SLC15A5: variants seen among roughly 807,000 people sequenced by gnomAD.
SLC15A5 encodes solute carrier family 15 member 5.
In SLC15A5, 58 loss-of-function variants were observed where a neutral mutation model predicts 56.1. The ratio of observed to expected loss-of-function variants is 1.03; its 90% CI spans 0.84 to 1.29. The LOEUF (loss-of-function observed/expected upper bound fraction) is 1.29, where lower values mean the gene tolerates loss of function less well. Ranked by LOEUF, SLC15A5 falls within the 50% of genes most tolerant of loss-of-function variation. The pLI is 0.00. For missense variants in SLC15A5, 681 were observed against 672.1 expected (o/e 1.01, Z -0.15); for synonymous variants, 264 against 250.5 (o/e 1.05, Z -0.51).
chr12:16,259,897 C>CG (rs148955043), intron 2 of SLC15A5, among the ~76,000 whole-genome samples: 3,191 of 141,058 alleles, frequency 0.023, 115 homozygotes, highest in Middle Eastern at 0.081. Context: ...TGACACCACC[C>CG]GGGCGGGGGG....
chr12:16,256,506 T>A (rs2136805542), intron 3 of SLC15A5, among the ~76,000 whole-genome samples: 1 of 152,300 alleles, frequency 6.6e-6, no homozygotes, highest in South Asian at 2.1e-4. Context: ...GAGGATGCAA[T>A]TCACAAAATC....
At chr12:16,277,277 T>G in intron 1 of SLC15A5, 48 bp downstream of exon 1, 1 of 1,435,124 alleles carries the variant, frequency 7.0e-7, no homozygotes, top group South Asian at 1.5e-5. Flanking sequence ...CTAACAAAAA[T>G]CTACTTAATT....
At position 16,277,516 on chromosome 12, in the gene SLC15A5, A is replaced by T; in HGVS notation, c.170T>A (p.Phe57Tyr). The change falls in exon 1 of 9, where the codon TTC becomes TAC. Residue 57 changes from phenylalanine to tyrosine, a missense_variant. Phe to Tyr is a conservative substitution (Grantham distance 22). Transcript: ENST00000344941. ...LLVELCERFT[F>Y]FEVVCNMIPF... The stretch of plus-strand genomic sequence containing the variant: ...GATCATGTTGCAGACGACTTCAAAG[A>T]ACGTGAACCTCTCACACAGCTCCAC... 1 of 1,536,558 alleles carries T rather than the reference A, an allele frequency of 6.5e-7. No individual in the cohort carries two copies. The highest frequency in any genetic ancestry group is 1.4e-5 in the African/African-American group (1 of 73,126).
intron 5 of SLC15A5, among the ~76,000 whole-genome samples, chr12:16,238,282 C>G (rs976994800): frequency 6.6e-6 from 1 of 152,000 alleles, no homozygotes; most frequent in Non-Finnish European, 1.5e-5. Flanking sequence ...AGAGAAGCAA[C>G]AAAAAATACC....
intron 7 of SLC15A5, among the ~76,000 whole-genome samples, chr12:16,201,468 A>G (rs1253899263): frequency 6.6e-6 from 1 of 152,154 alleles, no homozygotes; most frequent in Non-Finnish European, 1.5e-5. Flanking sequence ...AGGTGCCAAG[A>G]ACAGGCTGAT....
chr12:16,193,813 GA>G (rs1565654501), intron 8 of SLC15A5, among the ~76,000 whole-genome samples: 1 of 141,924 alleles, frequency 7.0e-6, no homozygotes, highest in Non-Finnish European at 1.5e-5. Flanking sequence ...GAGAGAGAGA[GA>G]GAGAGAGAGA....
In SLC15A5 at chr12:16,237,191, C is replaced by A. The variant is rs1391016267; in HGVS notation, c.1162+2490G>T. On this transcript the variant is annotated intron_variant, in intron 5 of 8. Coordinates refer to ENST00000344941, the MANE Select transcript of SLC15A5 (RefSeq NM_001170798.1). This position sits in a 1 kb window ranked among gnomAD's most constrained non-coding sequence, Gnocchi z 4.1. Reference sequence around the variant, plus strand: ...ATGTAAATTAGTATCAAAAAGTACCCCAGGTTGGTACTTTTATGTCCTGAT... The same window carrying A: ...ATGTAAATTAGTATCAAAAAGTACCACAGGTTGGTACTTTTATGTCCTGAT... 1.3e-5 allele frequency among the ~76,000 whole-genome samples: 2 copies of A among 151,966 alleles called. No homozygotes were observed. The highest frequency in any genetic ancestry group is 2.9e-5 in the Non-Finnish European group (2 of 67,996).
intron 7 of SLC15A5, among the ~76,000 whole-genome samples, chr12:16,202,719 G>A (rs1863969547): frequency 6.6e-6 from 1 of 152,110 alleles, no homozygotes; most frequent in African/African-American, 2.4e-5. Context: ...CAACTAAAGT[G>A]CGCATCAATT....
At position 16,235,472 on chromosome 12, in the gene SLC15A5, C is replaced by G. The variant is rs1864344303; in HGVS notation, c.1162+4209G>C. ...ATAGAGATAAAATATGCAAATGTAT[C>G]TCTATAAGGCATCAGTTATTTGCTT... On this transcript the variant is annotated intron_variant, in intron 5 of 8. Transcript: ENST00000344941. This position sits in a 1 kb window ranked among gnomAD's most constrained non-coding sequence, Gnocchi z 4.1. 6.6e-6 allele frequency among the ~76,000 whole-genome samples: 1 copy of G among 151,810 alleles called. No homozygotes were observed. The highest frequency in any genetic ancestry group is 6.6e-5 in the Admixed American group (1 of 15,230).
rs750341129 is a variant in SLC15A5, at chr12:16,269,960, G to A, written c.584+2601C>T. On this transcript the variant is annotated intron_variant, in intron 2 of 8. Coordinates refer to ENST00000344941, the MANE Select transcript of SLC15A5 (RefSeq NM_001170798.1). This position sits in a 1 kb window ranked among gnomAD's most constrained non-coding sequence, Gnocchi z 4.7. ...TTACCTAGGTGATCTCCAGTATGGC[G>A]ATTCTTAATTGTCCATCTCAGCTTT... Among the ~76,000 whole-genome samples the A allele has an allele frequency of 6.6e-6, 1 of 152,170 alleles. No individual in the cohort carries two copies. Among genetic ancestry groups the A allele is most frequent in the Non-Finnish European group, 1.5e-5 (1 of 68,036 alleles).
At chr12:16,202,133 C>T (rs1863964635) in intron 7 of SLC15A5, among the ~76,000 whole-genome samples, 1 of 151,994 alleles carries the variant, frequency 6.6e-6, no homozygotes. Flanking sequence ...TGTTTCTGCA[C>T]AGCAAAGGAA....
At chr12:16,210,387 G>A (rs1264404492) in intron 7 of SLC15A5, among the ~76,000 whole-genome samples, 2 of 152,096 alleles carry the variant, frequency 1.3e-5, no homozygotes, top group African/African-American at 4.8e-5. Flanking sequence ...GAATTGAACA[G>A]TACAACTGAA....
In SLC15A5 at chr12:16,263,947, T is replaced by A. The variant is rs887465130; in HGVS notation, c.585-6077A>T. On this transcript the variant is annotated intron_variant, in intron 2 of 8. Transcript: ENST00000344941. ...GTTTGCTGCAGGGGCAGAGCCCTCT[T>A]GGACAACCTCTGCTGGGGCAGTGTG... is the stretch of plus-strand genomic sequence containing the variant. Among the ~76,000 whole-genome samples, 7 of 152,320 alleles carry A rather than the reference T, an allele frequency of 4.6e-5. No homozygotes were observed. The East Asian group carries it at 1.3e-3, about 29-fold the overall frequency.
chr12:16,259,379 T>C (rs142863912), intron 2 of SLC15A5, among the ~76,000 whole-genome samples: 10 of 151,232 alleles, frequency 6.6e-5, no homozygotes, highest in African/African-American at 2.4e-4. Flanking sequence ...TCCTTCCTTG[T>C]TCCTTCCTTC....
intron 5 of SLC15A5, among the ~76,000 whole-genome samples, chr12:16,238,414 T>G (rs1467078683): frequency 6.6e-6 from 1 of 151,512 alleles, no homozygotes; most frequent in Non-Finnish European, 1.5e-5. Flanking sequence ...GATCACGAGG[T>G]CAGGAGATTG....
chr12:16,204,218 A>G (rs1357943525), intron 7 of SLC15A5, among the ~76,000 whole-genome samples: 2 of 151,960 alleles, frequency 1.3e-5, no homozygotes, highest in Non-Finnish European at 1.5e-5. Flanking sequence ...CACTTTGGGA[A>G]GCCAAAGTGG....
chr12:16,268,051 C>G (rs1864713654), intron 2 of SLC15A5, among the ~76,000 whole-genome samples: 1 of 114,568 alleles, frequency 8.7e-6, no homozygotes, highest in Non-Finnish European at 1.8e-5. Context: ...CAAATTTTAA[C>G]AGTTGTCCTG....
chr12:16,208,447 G>A (rs930947161), intron 7 of SLC15A5, among the ~76,000 whole-genome samples: 1 of 152,140 alleles, frequency 6.6e-6, no homozygotes, highest in Non-Finnish European at 1.5e-5. Context: ...GAGGTGGGAG[G>A]ATCTTTTGAG....
At chr12:16,198,388 G>C (rs563742076) in intron 7 of SLC15A5, among the ~76,000 whole-genome samples, 1 of 152,042 alleles carries the variant, frequency 6.6e-6, no homozygotes, top group African/African-American at 2.4e-5. Flanking sequence ...CTATTTATCC[G>C]AAATTATCAC....
Sources: allele counts gnomAD v4.1 joint callset (sites outside exome capture counted in the v4.1 genomes callset), GRCh38; gene constraint gnomAD v4.1.1; non-coding constraint Gnocchi (gnomAD v3.1); transcripts MANE v1.5; gene names NCBI Gene and HGNC (gene_info 2026-07-23, HGNC 2026-07-21).